PGM5: variants seen among roughly 807,000 people sequenced by gnomAD.
The protein encoded by PGM5 is phosphoglucomutase 5.
In PGM5, 23 loss-of-function variants were observed where a neutral mutation model predicts 59.2. That is an observed-to-expected ratio of 0.39 (90% CI 0.28 to 0.55). The LOEUF (loss-of-function observed/expected upper bound fraction) is 0.55. PGM5 is among the 20% of genes least tolerant of loss of function. The probability of loss-of-function intolerance (pLI) is 0.66; values close to 1 mark genes in which losing one functional copy is unlikely to be tolerated. For synonymous variants in PGM5, 214 were observed against 286.0 expected, an observed-to-expected ratio of 0.75 and a Z score of 2.54; for missense variants, 574 against 748.3, an observed-to-expected ratio of 0.77 and a Z score of 2.72.
intron 9 of PGM5, among the ~76,000 whole-genome samples, chr9:68,494,252 T>C (rs1335680072): frequency 6.6e-6 from 1 of 152,044 alleles, no homozygotes; most frequent in African/African-American, 2.4e-5. Context: ...GTCAGATGGT[T>C]CAAGAGGTGG....
intron 7 of PGM5, among the ~76,000 whole-genome samples, chr9:68,470,605 C>T (rs1383943288): frequency 6.6e-6 from 1 of 152,222 alleles, no homozygotes; most frequent in African/African-American, 2.4e-5. Flanking sequence ...CATTCCCTAT[C>T]TGGATGGTTA....
intron 6 of PGM5, among the ~76,000 whole-genome samples, chr9:68,417,309 G>A (rs1158919035): frequency 6.6e-6 from 1 of 152,168 alleles, no homozygotes; most frequent in Non-Finnish European, 1.5e-5. Context: ...TATGCCTTCA[G>A]CTTTCAGGCT....
At chr9:68,425,576 A>T (rs1319140615) in intron 6 of PGM5, among the ~76,000 whole-genome samples, 3 of 152,232 alleles carry the variant, frequency 2.0e-5, no homozygotes, top group Admixed American at 2.0e-4. Context: ...ATCAAATCCT[A>T]TCCTAAGCAT....
chr9:68,408,571 T>C (rs1214280853), intron 6 of PGM5, among the ~76,000 whole-genome samples: 2 of 152,236 alleles, frequency 1.3e-5, no homozygotes, highest in African/African-American at 4.8e-5. Flanking sequence ...AGAAGCTCTT[T>C]AGTTGAATTA....
intron 4 of PGM5, among the ~76,000 whole-genome samples, chr9:68,390,331 G>C (rs146788703): frequency 0.015 from 2,302 of 152,274 alleles, 26 homozygotes; most frequent in Non-Finnish European, 0.021. Flanking sequence ...CTGGGTTTCA[G>C]CCTCATTGCC....
intron 6 of PGM5, among the ~76,000 whole-genome samples, chr9:68,424,915 G>A (rs1554682600): frequency 6.6e-6 from 1 of 152,138 alleles, no homozygotes; most frequent in Non-Finnish European, 1.5e-5. Flanking sequence ...CCTGTCTTCT[G>A]AGGTCCAAAA....
intron 9 of PGM5, among the ~76,000 whole-genome samples, chr9:68,485,837 A>G (rs1476138590): frequency 1.3e-5 from 2 of 152,142 alleles, no homozygotes; most frequent in African/African-American, 2.4e-5. Context: ...CCTGAGACAC[A>G]CTAGAGCTTC....
intron 6 of PGM5, among the ~76,000 whole-genome samples, chr9:68,401,748 AT>A (rs1476390180): frequency 6.6e-6 from 1 of 152,014 alleles, no homozygotes; most frequent in East Asian, 1.9e-4. Flanking sequence ...TCTCTCTTTT[AT>A]TCCTTGTGAC....
At chr9:68,492,209 A>G (rs1252061655) in intron 9 of PGM5, among the ~76,000 whole-genome samples, 3 of 152,228 alleles carry the variant, frequency 2.0e-5, no homozygotes, top group Admixed American at 6.5e-5. Flanking sequence ...GCCTGAATCC[A>G]AAATATCCCA....
chr9:68,522,503 AC>A (rs1404244573), intron 10 of PGM5, among the ~76,000 whole-genome samples: 1 of 152,206 alleles, frequency 6.6e-6, no homozygotes, highest in Non-Finnish European at 1.5e-5. Context: ...GGAACCATGG[AC>A]TGGCGTAGCG....
intron 9 of PGM5, among the ~76,000 whole-genome samples, chr9:68,491,762 G>A (rs1404027498): frequency 6.6e-6 from 1 of 152,166 alleles, no homozygotes; most frequent in African/African-American, 2.4e-5. Context: ...AGCTACTTGG[G>A]AGGCTGAGAC....
intron 1 of PGM5, among the ~76,000 whole-genome samples, chr9:68,375,917 T>C (rs1821869105): frequency 6.6e-6 from 1 of 152,230 alleles, no homozygotes; most frequent in East Asian, 1.9e-4. Context: ...AAAAAGAAAA[T>C]GCAAGGGCCC....
intron 1 of PGM5, among the ~76,000 whole-genome samples, chr9:68,377,327 A>C (rs551236942): frequency 1.3e-5 from 2 of 152,304 alleles, no homozygotes; most frequent in African/African-American, 4.8e-5. Context: ...CATTGGAATC[A>C]TCTGTGGAGC....
intron 9 of PGM5, chr9:68,497,606 C>G (rs1587217314): frequency 6.6e-6 from 1 of 152,184 alleles, no homozygotes; most frequent in East Asian, 1.9e-4. Context: ...GTCACATATG[C>G]AGCAGGTATA....
chr9:68,447,245 C>T (rs532716295), intron 6 of PGM5, among the ~76,000 whole-genome samples: 1 of 152,204 alleles, frequency 6.6e-6, no homozygotes, highest in Non-Finnish European at 1.5e-5. Context: ...TCACCACTGG[C>T]CTTCTGACTT....
intron 6 of PGM5, among the ~76,000 whole-genome samples, chr9:68,421,455 C>T (rs985031312): frequency 9.9e-5 from 15 of 152,054 alleles, no homozygotes; most frequent in African/African-American, 3.1e-4. Context: ...TGGTGGCTCA[C>T]GCTGGTAATC....
chr9:68,410,104 G>C (rs1822900783), intron 6 of PGM5, among the ~76,000 whole-genome samples: 1 of 152,208 alleles, frequency 6.6e-6, no homozygotes, highest in Admixed American at 6.5e-5. Context: ...GGCAGTGGGA[G>C]CTCCGGCCAC....
At chr9:68,456,717 C>T (rs373502741) in intron 6 of PGM5, among the ~76,000 whole-genome samples, 8 of 151,236 alleles carry the variant, frequency 5.3e-5, no homozygotes, top group East Asian at 3.9e-4. Flanking sequence ...CTCCACTTCC[C>T]GGGTTCAAGT....
chr9:68,514,120 G>C (rs1318518246), intron 10 of PGM5, among the ~76,000 whole-genome samples: 54 of 152,220 alleles, frequency 3.5e-4, no homozygotes, highest in Admixed American at 3.5e-3. Context: ...TACTGACTCA[G>C]ATTCTGTATT....
Sources: allele counts gnomAD v4.1 joint callset (sites outside exome capture counted in the v4.1 genomes callset), GRCh38; gene constraint gnomAD v4.1.1; transcripts MANE v1.5; gene names NCBI Gene and HGNC (gene_info 2026-07-23, HGNC 2026-07-21).